NRCAM: variants seen among roughly 807,000 people sequenced by gnomAD.
The protein encoded by NRCAM is neuronal cell adhesion molecule, also known as NgCAM-related cell adhesion molecule.
NRCAM carries 83 observed loss-of-function variants against 156.5 expected under a neutral mutation model. That is an observed-to-expected ratio of 0.53 (90% CI 0.44 to 0.64). The LOEUF (loss-of-function observed/expected upper bound fraction) is 0.64. NRCAM is among the 30% of genes least tolerant of loss of function. The pLI, the probability that NRCAM is intolerant of heterozygous loss-of-function variation, is 0.00. For synonymous variants in NRCAM, 538 were observed against 563.9 expected (o/e 0.95, Z 0.65); for missense variants, 1,417 against 1,597.3 (o/e 0.89, Z 1.92).
At chr7:108,430,628 GAACC>G (rs926914666) in intron 1 of NRCAM, among the ~76,000 whole-genome samples, 6 of 152,236 alleles carry the variant, frequency 3.9e-5, no homozygotes, top group Admixed American at 3.9e-4. Flanking sequence ...CTAGTGGCTA[GAACC>G]AAGTAAATTC....
intron 11 of NRCAM, among the ~76,000 whole-genome samples, chr7:108,214,327 G>A (rs969307439): frequency 1.3e-5 from 2 of 152,140 alleles, no homozygotes; most frequent in Admixed American, 1.3e-4. Context: ...AGTCTTGGGA[G>A]GGTGAATGTG....
chr7:108,429,656 G>A (rs576986113), intron 1 of NRCAM, among the ~76,000 whole-genome samples: 5 of 152,304 alleles, frequency 3.3e-5, no homozygotes, highest in Admixed American at 6.5e-5. Flanking sequence ...TGACATGTAC[G>A]GTGACTTTTT....
At chr7:108,264,931 G>T (rs2097033633) in intron 3 of NRCAM, among the ~76,000 whole-genome samples, 1 of 152,160 alleles carries the variant, frequency 6.6e-6, no homozygotes, top group South Asian at 2.1e-4. Context: ...ATAATAGGGG[G>T]TCTCCAACCG....
At chr7:108,161,623 G>C (rs2049055916) in intron 30 of NRCAM, among the ~76,000 whole-genome samples, 1 of 152,124 alleles carries the variant, frequency 6.6e-6, no homozygotes, top group Non-Finnish European at 1.5e-5. Flanking sequence ...ACACAGTTGA[G>C]TTAGGTGTGT....
At chr7:108,346,399 A>G (rs1192540693) in intron 2 of NRCAM, among the ~76,000 whole-genome samples, 2 of 152,168 alleles carry the variant, frequency 1.3e-5, no homozygotes, top group African/African-American at 4.8e-5. Context: ...GTTGAAGTAT[A>G]TTATCCAGTA....
At chr7:108,170,847 G>C (rs2058058028) in intron 28 of NRCAM, among the ~76,000 whole-genome samples, 1 of 152,010 alleles carries the variant, frequency 6.6e-6, no homozygotes, top group Admixed American at 6.6e-5. Context: ...AGGGGCTAGA[G>C]GTGGGGTGGG....
intron 17 of NRCAM, among the ~76,000 whole-genome samples, chr7:108,192,878 A>C (rs936088371): frequency 2.6e-5 from 4 of 152,256 alleles, no homozygotes; most frequent in African/African-American, 7.2e-5. Context: ...ACTTGTGGGC[A>C]TGAAAAATTG....
rs187827781 is a variant in NRCAM at position 108,292,481 on chromosome 7, T to C, written c.-107+20184A>G. On this transcript the variant is annotated intron_variant, in intron 3 of 32. Coordinates refer to ENST00000379028, the MANE Select transcript of NRCAM (RefSeq NM_001037132.4). Reference sequence around the variant, plus strand: ...AGACTTGCTTACTAACTCAGGAGTATGTTTTATCCACAAAAGTTTGTGTTG... The same window carrying C: ...AGACTTGCTTACTAACTCAGGAGTACGTTTTATCCACAAAAGTTTGTGTTG... 8.5e-4 allele frequency among the ~76,000 whole-genome samples: 130 copies of C among 152,304 alleles called. 1 individual carries two copies. The highest frequency in any genetic ancestry group is 1.4e-3 in the Non-Finnish European group (94 of 68,016).
chr7:108,399,984 C>T (rs558399637), intron 1 of NRCAM, among the ~76,000 whole-genome samples: 40 of 152,128 alleles, frequency 2.6e-4, no homozygotes, highest in African/African-American at 3.6e-4. Context: ...CAGGCCGTGG[C>T]GGGGAAGAAT....
chr7:108,211,429 A>G (rs2084315888), intron 11 of NRCAM, among the ~76,000 whole-genome samples: 1 of 152,192 alleles, frequency 6.6e-6, no homozygotes, highest in Non-Finnish European at 1.5e-5. Flanking sequence ...CAGACTCCAT[A>G]GGCTGGGGAA....
chr7:108,432,397 G>A (rs1053879162), intron 1 of NRCAM, among the ~76,000 whole-genome samples: 3 of 152,146 alleles, frequency 2.0e-5, no homozygotes, highest in East Asian at 1.9e-4. Flanking sequence ...GGATTTCTAC[G>A]AAACAGTAAG....
At chr7:108,310,078 C>T (rs1487137113) in intron 3 of NRCAM, among the ~76,000 whole-genome samples, 1 of 152,110 alleles carries the variant, frequency 6.6e-6, no homozygotes, top group Non-Finnish European at 1.5e-5. Context: ...AGGGAAAGAA[C>T]AAATTTCAAG....
At chr7:108,177,313 C>T (rs923499567) in intron 26 of NRCAM, among the ~76,000 whole-genome samples, 9 of 151,896 alleles carry the variant, frequency 5.9e-5, no homozygotes, top group Non-Finnish European at 1.2e-4. Flanking sequence ...AGAGGGAAGG[C>T]GAGATAGGGA....
intron 3 of NRCAM, among the ~76,000 whole-genome samples, chr7:108,290,232 C>T (rs2098244594): frequency 2.6e-5 from 4 of 152,018 alleles, no homozygotes; most frequent in African/African-American, 9.7e-5. Context: ...ACTATGTGGG[C>T]ATTACCAGTA....
chr7:108,208,506 A>G (rs2082343706), intron 12 of NRCAM, among the ~76,000 whole-genome samples: 1 of 152,188 alleles, frequency 6.6e-6, no homozygotes, highest in African/African-American at 2.4e-5. Flanking sequence ...AATGGTACTT[A>G]ACTAAACTAC....
At chr7:108,399,357 T>C (rs1460796116) in intron 2 of NRCAM, 79 bp downstream of exon 2, 2 of 152,342 alleles carry the variant, frequency 1.3e-5, no homozygotes, top group East Asian at 3.9e-4. Flanking sequence ...CTCTTTTCAC[T>C]ACTTTCCAAG....
intron 2 of NRCAM, among the ~76,000 whole-genome samples, chr7:108,330,580 C>A (rs1409026234): frequency 1.3e-5 from 2 of 152,118 alleles, no homozygotes; most frequent in Non-Finnish European, 2.9e-5. Flanking sequence ...AATAGAGGTA[C>A]TGGGTTTAAC....
At chr7:108,174,522 T>TGGTC (rs2059752428) in intron 28 of NRCAM, among the ~76,000 whole-genome samples, 1 of 152,230 alleles carries the variant, frequency 6.6e-6, no homozygotes, top group Non-Finnish European at 1.5e-5. Flanking sequence ...AAAAGCTGAC[T>TGGTC]GGTCAACCAG....
At chr7:108,314,945 G>C (rs771117679) in intron 2 of NRCAM, among the ~76,000 whole-genome samples, 1 of 151,948 alleles carries the variant, frequency 6.6e-6, no homozygotes, top group Non-Finnish European at 1.5e-5. Flanking sequence ...CTAAAAACTG[G>C]CCTCCTTAAC....
Sources: gnomAD v4.1 joint callset for allele counts (sites outside exome capture counted in the v4.1 genomes callset) on GRCh38, gnomAD v4.1.1 for gene constraint, MANE v1.5 for transcripts, NCBI Gene and HGNC (gene_info 2026-07-23, HGNC 2026-07-21) for gene names.